The following DDX24 variants were observed in gnomAD, a reference collection of about 807,000 sequenced individuals.
DDX24 encodes ATP-dependent RNA helicase DDX24.
In DDX24, 24 loss-of-function variants were observed where a neutral mutation model predicts 68.9. The observed-to-expected ratio is 0.35, with a 90% confidence interval of 0.25 to 0.49. DDX24 has a LOEUF of 0.49. Ranked by LOEUF, DDX24 falls within the 20% of genes least tolerant of loss-of-function variation. The pLI, the probability that DDX24 is intolerant of heterozygous loss-of-function variation, is 0.99. For synonymous variants in DDX24, 395 were observed against 385.2 expected, an observed-to-expected ratio of 1.03 and a Z score of -0.30; for missense variants, 989 against 1,039.0, an observed-to-expected ratio of 0.95 and a Z score of 0.66.
intron 1 of DDX24, among the ~76,000 whole-genome samples, chr14:94,080,684 C>A (rs1387547216): frequency 6.6e-6 from 1 of 152,014 alleles, no homozygotes; most frequent in Non-Finnish European, 1.5e-5. Flanking sequence ...GCCGGACCCG[C>A]TGCGCCACGG....
At chr14:94,055,585 G>A (rs144660469) in intron 6 of DDX24, 1 of 191,568 alleles carries the variant, frequency 5.2e-6, no homozygotes, top group Non-Finnish European at 1.1e-5. Flanking sequence ...CTGAGCCCCT[G>A]GCACACACCA....
At chr14:94,068,142 A>T (rs944498645) in intron 2 of DDX24, among the ~76,000 whole-genome samples, 1 of 152,208 alleles carries the variant, frequency 6.6e-6, no homozygotes. Flanking sequence ...GGACTCACAT[A>T]AACTTAAAGT....
Position 94,055,002 on chromosome 14 carries a change from C to A in DDX24, c.2172G>T (p.Val724=). 1 of 1,614,000 alleles carries A rather than the reference C, an allele frequency of 6.2e-7. No homozygotes were observed. The highest frequency in any genetic ancestry group is 8.5e-7 in the Non-Finnish European group (1 of 1,179,916). Residue 724 remains valine, a synonymous_variant, in exon 7 of 9, where the codon GTG becomes GTT. Transcript: ENST00000621632. The part of the protein sequence containing the change: ...LFPVQTKYMD[V]VKERIRLARQ... ...GGTTTTAACTGCTTTCTACCTTGAC[C>A]ACATCCATGTATTTTGTCTGCACGG...
rs767535454 is a variant in DDX24, at chr14:94,079,516, C to A, written c.227G>T (p.Arg76Ile). 30 of 1,614,174 alleles carry A rather than the reference C, an allele frequency of 1.9e-5. No individual in the cohort carries two copies. Among genetic ancestry groups the A allele is most frequent in the Admixed American group, 5.0e-5 (3 of 60,022 alleles). ...TTCTTCTGAAACAGCTTGTGCCTTT[C>A]TCTTGGGTGCTTCCTTTGAGAAGAG... ...SSLFSKEAPK[R>I]KAQAVSEEEE... Residue 76 changes from arginine (R) to isoleucine (I), a missense_variant, in exon 2 of 9, where the codon AGA becomes ATA. Arg to Ile is a moderately conservative substitution (Grantham distance 97, BLOSUM62 -3). Coordinates refer to ENST00000621632, the MANE Select transcript of DDX24 (RefSeq NM_020414.4).
intron 2 of DDX24, among the ~76,000 whole-genome samples, chr14:94,077,013 T>C (rs1166747640): frequency 6.6e-6 from 1 of 152,274 alleles, no homozygotes; most frequent in African/African-American, 2.4e-5. Flanking sequence ...ATAGTAAATA[T>C]ATTTTCTGTT....
chr14:94,080,617 A>G (rs903009331), intron 1 of DDX24, among the ~76,000 whole-genome samples: 12 of 151,866 alleles, frequency 7.9e-5, no homozygotes, highest in Non-Finnish European at 1.3e-4. Flanking sequence ...GACGCACGTC[A>G]AAAAAAACCG....
At chr14:94,064,691 C>T (rs547758959) in intron 2 of DDX24, among the ~76,000 whole-genome samples, 25 of 152,328 alleles carry the variant, frequency 1.6e-4, no homozygotes, top group Admixed American at 5.2e-4. Flanking sequence ...CTAGTCATCT[C>T]ATCCATCTGG....
chr14:94,057,701 A>C, intron 6 of DDX24, 121 bp downstream of exon 6: 2 of 875,216 alleles, frequency 2.3e-6, no homozygotes, highest in South Asian at 3.6e-5. Context: ...ACTCGATGCC[A>C]GTGGTATTCT....
chr14:94,051,468 AAC>A lies in DDX24; in HGVS notation c.2309-8_2309-7del. The A allele has an allele frequency of 1.3e-6, 2 of 1,532,992 alleles. No homozygotes were observed. Among genetic ancestry groups the A allele is most frequent in the East Asian group, 2.3e-5 (1 of 43,516 alleles). The allele number at this position is 1,532,992 out of a possible 1,614,324, so 95.0% of individuals were successfully genotyped here. Reference sequence around the variant, plus strand: ...TTGCTGGTCAGCTTTTCCTCCTTGAAACACAATACAAAAACGATCCTATTTAC... The same window carrying A: ...TTGCTGGTCAGCTTTTCCTCCTTGAAACAATACAAAAACGATCCTATTTAC... On this transcript the variant is annotated splice_polypyrimidine_tract_variant and splice_region_variant and intron_variant, in intron 8 of 8. Coordinates refer to ENST00000621632, the MANE Select transcript of DDX24 (RefSeq NM_020414.4).
chr14:94,051,690 A>G (rs1885391335), intron 8 of DDX24: 1 of 439,440 alleles, frequency 2.3e-6, no homozygotes, highest in Non-Finnish European at 3.9e-6. Context: ...CTCCATAAAA[A>G]TCCTCCAAGA....
intron 2 of DDX24, among the ~76,000 whole-genome samples, chr14:94,078,660 T>G (rs1391000426): frequency 6.6e-6 from 1 of 152,214 alleles, no homozygotes; most frequent in Non-Finnish European, 1.5e-5. Flanking sequence ...CTTACCCCTT[T>G]GAGCTATTTA....
chr14:94,055,059 C>T lies in DDX24; in HGVS notation c.2115G>A (p.Thr705=), dbSNP rs755474561. 9.9e-6 allele frequency: 16 copies of T among 1,614,062 alleles called. No homozygotes were observed. The highest frequency in any genetic ancestry group is 5.0e-5 in the Admixed American group (3 of 60,012). The change falls in exon 7 of 9, where the codon ACG becomes ACA. Residue 705 remains threonine, a synonymous_variant. Coordinates refer to ENST00000621632, the MANE Select transcript of DDX24 (RefSeq NM_020414.4). ...DVINFKKIYK[T]LKKDEDIPLF... is the part of the protein sequence containing the mutation. Reference sequence around the variant, plus strand: ...GTGGGATATCCTCATCTTTCTTGAGCGTTTTGTAAATCTTCTTAAAGTTGA... The same window carrying T: ...GTGGGATATCCTCATCTTTCTTGAGTGTTTTGTAAATCTTCTTAAAGTTGA...
chr14:94,073,898 C>G (rs1286910034), intron 2 of DDX24, among the ~76,000 whole-genome samples: 4 of 151,776 alleles, frequency 2.6e-5, no homozygotes, highest in South Asian at 4.2e-4. Context: ...AAAAAATTAG[C>G]CGGGCATGGT....
At chr14:94,060,730 CA>C in intron 4 of DDX24, 117 bp from the exon 5 acceptor site, 1 of 1,454,544 alleles carries the variant, frequency 6.9e-7, no homozygotes, top group Non-Finnish European at 9.3e-7. Context: ...ACCCCACTAC[CA>C]CCACCACCAT....
intron 1 of DDX24, among the ~76,000 whole-genome samples, chr14:94,080,203 T>TG (rs1886040026): frequency 6.6e-6 from 1 of 152,212 alleles, no homozygotes; most frequent in Non-Finnish European, 1.5e-5. Context: ...GTTTTTCTTG[T>TG]GGGGGCAGGA....
At chr14:94,051,608 T>A (rs1287290096) in intron 8 of DDX24, 146 bp from the exon 9 acceptor site, 1 of 1,061,258 alleles carries the variant, frequency 9.4e-7, no homozygotes, top group East Asian at 2.6e-5. Context: ...TAGTGGTGGC[T>A]TGGCAGGGGC....
intron 7 of DDX24, chr14:94,053,358 C>CTTTTTTTTT (rs1160011824): frequency 2.4e-5 from 3 of 124,790 alleles, no homozygotes; most frequent in South Asian, 7.9e-5. Flanking sequence ...TAGGTAATTT[C>CTTTTTTTTT]TTTTTTTTTT....
chr14:94,051,313 C>T lies in DDX24; in HGVS notation c.2458G>A (p.Val820Met), dbSNP rs1367203696. The T allele has an allele frequency of 1.2e-6, 2 of 1,613,200 alleles. No individual in the cohort carries two copies. The highest frequency in any genetic ancestry group is 1.3e-5 in the African/African-American group (1 of 74,800). The change falls in exon 9 of 9, where the codon GTG (valine) becomes ATG (methionine). Residue 820 changes from valine to methionine, a missense_variant. This residue lies in a region of DDX24 where 691 missense variants were observed against 760.0 expected (regional missense o/e 0.91). Transcript: ENST00000621632. ...PTQSGKPPLL[V>M]SAPSKSESAL... ...GACTCGCTCTTACTTGGGGCAGACA[C>T]AAGCAGGGGCGGCTTGCCAGACTGA... is the stretch of plus-strand genomic sequence containing the variant.
chr14:94,060,305 T>C lies in DDX24; in HGVS notation c.1706A>G (p.His569Arg). ...TVETLTETKI[H>R]CETDEKDFYL... Reference sequence around the variant, plus strand: ...GAAGTCTTTCTCATCAGTCTCACAATGGATCTTGGTCTCTGTTAGCGTCTC... The same window carrying C: ...GAAGTCTTTCTCATCAGTCTCACAACGGATCTTGGTCTCTGTTAGCGTCTC... Residue 569 changes from histidine to arginine, a missense_variant, in exon 5 of 9, where the codon CAT becomes CGT. Physicochemically the swap from His to Arg is conservative, Grantham distance 29. Coordinates refer to ENST00000621632, the MANE Select transcript of DDX24 (RefSeq NM_020414.4). 3 of 1,614,220 alleles carry C rather than the reference T, an allele frequency of 1.9e-6. No homozygotes were observed. The highest frequency in any genetic ancestry group is 1.3e-5 in the African/African-American group (1 of 75,064).
Sources: gnomAD v4.1 joint callset for allele counts (sites outside exome capture counted in the v4.1 genomes callset) on GRCh38, gnomAD v4.1.1 for gene constraint, gnomAD v4.1.1 regional missense constraint, MANE v1.5 for transcripts, NCBI Gene and HGNC (gene_info 2026-07-23, HGNC 2026-07-21) for gene names.